TRMT9B: variants seen among roughly 807,000 people sequenced by gnomAD.
TRMT9B encodes the protein tRNA methyltransferase 9B (putative), also known as probable tRNA methyltransferase 9B.
A neutral mutation model predicts 11.5 loss-of-function variants in TRMT9B; 16 were observed. The observed-to-expected ratio is 1.39, with a 90% CI of 0.94 to 2.11. The LOEUF is 2.11. TRMT9B is among the 30% of genes most tolerant of loss of function. The pLI, the probability that TRMT9B is intolerant of heterozygous loss-of-function variation, is 0.00. For synonymous variants in TRMT9B, 274 were observed against 192.4 expected, an observed-to-expected ratio of 1.42 and a Z score of -3.51; for missense variants, 941 against 553.8, an observed-to-expected ratio of 1.70 and a Z score of -7.02.
At chr8:13,000,658 G>A (rs1563397148) in intron 2 of TRMT9B, among the ~76,000 whole-genome samples, 1 of 152,178 alleles carries the variant, frequency 6.6e-6, no homozygotes, top group Admixed American at 6.5e-5. Flanking sequence ...TTGGGGGTTT[G>A]TTTTAAGGTT....
At chr8:12,992,466 A>G (rs765914937) in intron 2 of TRMT9B, among the ~76,000 whole-genome samples, 2 of 151,802 alleles carry the variant, frequency 1.3e-5, no homozygotes, top group South Asian at 4.2e-4. Flanking sequence ...ATGTGATAGG[A>G]GGTGTAGGTT....
chr8:12,993,666 C>G (rs935027372), intron 2 of TRMT9B, among the ~76,000 whole-genome samples: 1 of 152,192 alleles, frequency 6.6e-6, no homozygotes, highest in Non-Finnish European at 1.5e-5. Context: ...TCCAATAGCA[C>G]ATTGCTATCT....
intron 3 of TRMT9B, 186 bp from the exon 4 acceptor site, chr8:13,012,498 C>T: frequency 1.4e-6 from 1 of 709,684 alleles, no homozygotes; most frequent in East Asian, 4.2e-5. Context: ...TTGCTTGAAC[C>T]CGTGAGGCAG....
chr8:12,997,225 C>T (rs1175175688), intron 2 of TRMT9B, among the ~76,000 whole-genome samples: 1 of 151,926 alleles, frequency 6.6e-6, no homozygotes, highest in African/African-American at 2.4e-5. Context: ...GTGGTGGATC[C>T]CTCAGGAATG....
chr8:12,974,861 G>A (rs1036111767), intron 1 of TRMT9B, among the ~76,000 whole-genome samples: 3 of 152,100 alleles, frequency 2.0e-5, no homozygotes, highest in African/African-American at 7.2e-5. Flanking sequence ...GTTGACAGGT[G>A]TTTTATGATC....
At chr8:12,954,359 G>A (rs1248983129) in intron 1 of TRMT9B, among the ~76,000 whole-genome samples, 1 of 152,198 alleles carries the variant, frequency 6.6e-6, no homozygotes, top group East Asian at 1.9e-4. Flanking sequence ...ACACATTTAT[G>A]AAGAAGGCTC....
intron 2 of TRMT9B, among the ~76,000 whole-genome samples, chr8:12,994,490 C>G (rs1458132731): frequency 6.6e-6 from 1 of 152,160 alleles, no homozygotes; most frequent in Non-Finnish European, 1.5e-5. Flanking sequence ...TAGCGCTCAG[C>G]TCTTCAAACA....
rs563725715 is a variant in TRMT9B at position 12,991,047 on chromosome 8, C to T, written c.-2+16C>T. On this transcript the variant is annotated intron_variant, in intron 2 of 4. Coordinates refer to ENST00000524591, the MANE Select transcript of TRMT9B (RefSeq NM_020844.3). ...GATGACTCAGGTTAGTAGCTTTCAG[C>T]GCTTCTGCAACTCACATACCATGAG... 4.1e-5 allele frequency: 49 copies of T among 1,183,666 alleles called. No homozygotes were observed. In the African/African-American group the frequency reaches 4.7e-4, roughly 11 times the overall value. 73.3% of individuals were successfully genotyped at this position (1,183,666 alleles called of 1,614,324 possible).
intron 2 of TRMT9B, among the ~76,000 whole-genome samples, chr8:13,002,671 A>G (rs1809663927): frequency 6.6e-6 from 1 of 152,208 alleles, no homozygotes; most frequent in Non-Finnish European, 1.5e-5. Context: ...TGATGGAATT[A>G]TATTATCATC....
At chr8:12,987,774 C>A (rs967919276) in intron 1 of TRMT9B, among the ~76,000 whole-genome samples, 3 of 152,138 alleles carry the variant, frequency 2.0e-5, no homozygotes, top group Non-Finnish European at 4.4e-5. Context: ...GTGCTCAGAA[C>A]ATTTACATTA....
At chr8:12,978,411 G>A (rs974692412) in intron 1 of TRMT9B, among the ~76,000 whole-genome samples, 2 of 152,064 alleles carry the variant, frequency 1.3e-5, no homozygotes, top group African/African-American at 4.8e-5. Context: ...TAATAAATCT[G>A]CTTTTCTTTA....
chr8:12,986,590 T>C (rs1338512111), intron 1 of TRMT9B, among the ~76,000 whole-genome samples: 1 of 152,250 alleles, frequency 6.6e-6, no homozygotes, highest in African/African-American at 2.4e-5. Flanking sequence ...CTAATTTGGA[T>C]GTATTCACAT....
At chr8:13,001,207 C>T (rs956569137) in intron 2 of TRMT9B, among the ~76,000 whole-genome samples, 4 of 152,180 alleles carry the variant, frequency 2.6e-5, no homozygotes, top group African/African-American at 7.2e-5. Flanking sequence ...CACAACCAAC[C>T]ACTTGTGGTC....
intron 1 of TRMT9B, among the ~76,000 whole-genome samples, chr8:12,957,588 AG>A (rs1801478394): frequency 1.3e-5 from 2 of 152,200 alleles, no homozygotes; most frequent in South Asian, 2.1e-4. Flanking sequence ...TGTTCAAGCC[AG>A]GACACTTTTG....
chr8:13,011,881 A>C, intron 3 of TRMT9B: 2 of 984,324 alleles, frequency 2.0e-6, no homozygotes, highest in South Asian at 9.4e-5. Context: ...AATTTTAAAA[A>C]TTTGAAAGGC....
rs371798385 is a variant in TRMT9B at position 13,006,246 on chromosome 8, A to T, written c.44A>T (p.Asn15Ile). 1 of 1,614,002 alleles carries T rather than the reference A, an allele frequency of 6.2e-7. No individual in the cohort carries two copies. The highest frequency in any genetic ancestry group is 2.2e-5 in the East Asian group (1 of 44,886). ...CAGCTGGAGAAGCAGCATGTGCACA[A>T]TGTGTACGAGAGCACAGCCCCTTAC... ...AAQLEKQHVH[N>I]VYESTAPYFS... Residue 15 changes from asparagine to isoleucine, a missense_variant, in exon 3 of 5, where the codon AAT becomes ATT. Transcript: ENST00000524591.
At chr8:12,958,933 G>T (rs555376608) in intron 1 of TRMT9B, among the ~76,000 whole-genome samples, 2 of 152,090 alleles carry the variant, frequency 1.3e-5, no homozygotes, top group Non-Finnish European at 2.9e-5. Context: ...ATCACACACC[G>T]GGGCTTGTCA....
In TRMT9B at chr8:13,029,479, A is replaced by C. The variant is rs559831868; in HGVS notation, c.*7435A>C. The C allele has an allele frequency of 6.0e-6, 1 of 166,944 alleles. No individual in the cohort carries two copies. Among genetic ancestry groups the C allele is most frequent in the Non-Finnish European group, 1.5e-5 (1 of 68,108 alleles). 10.3% of individuals were successfully genotyped at this position (166,944 alleles called of 1,614,324 possible). On this transcript the variant is annotated 3_prime_UTR_variant, in exon 5 of 5. Coordinates refer to ENST00000524591, the MANE Select transcript of TRMT9B (RefSeq NM_020844.3). ...AAATGGTGTAATTTGTGTGTTTATG[A>C]TATGTATTCAATTATTTAAGTTAAG...
In TRMT9B at chr8:12,956,020, C is replaced by G. The variant is rs115492349; in HGVS notation, c.-200+10054C>G. On this transcript the variant is annotated intron_variant, in intron 1 of 4. Transcript: ENST00000524591. ...CCACCCTAGGAAGCTGGTGACTGAA[C>G]ATTGCTACCAACAACAAAAACAAGA... 3.2e-3 allele frequency among the ~76,000 whole-genome samples: 485 copies of G among 152,312 alleles called. 2 individuals are homozygous for G. Among genetic ancestry groups the G allele is most frequent in the African/African-American group, 0.011 (461 of 41,576 alleles).
Sources: allele counts gnomAD v4.1 joint callset (sites outside exome capture counted in the v4.1 genomes callset), GRCh38; gene constraint gnomAD v4.1.1; transcripts MANE v1.5; gene names NCBI Gene and HGNC (gene_info 2026-07-23, HGNC 2026-07-21).